Variants in ZBTB7C observed in about 807,000 individuals in gnomAD.
The protein encoded by ZBTB7C is zinc finger and BTB domain-containing protein 7C.
A neutral mutation model predicts 25.7 loss-of-function variants in ZBTB7C; 8 were observed. The observed-to-expected ratio is 0.31, with a 90% CI of 0.18 to 0.56. The LOEUF (loss-of-function observed/expected upper bound fraction) is 0.56, where lower values mean the gene tolerates loss of function less well. Ranked by LOEUF, ZBTB7C falls within the 20% of genes least tolerant of loss-of-function variation. ZBTB7C has a pLI of 0.91. For missense variants in ZBTB7C, 824 were observed against 855.2 expected (o/e 0.96, Z 0.46); for synonymous variants, 394 against 369.0 (o/e 1.07, Z -0.78).
intron 1 of ZBTB7C, among the ~76,000 whole-genome samples, chr18:48,358,795 A>G (rs2047036142): frequency 6.6e-6 from 1 of 152,198 alleles, no homozygotes; most frequent in Non-Finnish European, 1.5e-5. Context: ...GCCTGTGAAT[A>G]TACTAAAAAA....
intron 3 of ZBTB7C, among the ~76,000 whole-genome samples, chr18:48,087,222 G>A (rs2038225109): frequency 6.6e-6 from 1 of 152,202 alleles, no homozygotes; most frequent in South Asian, 2.1e-4. Context: ...AAAGCAAGGA[G>A]GGCATCTGAA....
intron 3 of ZBTB7C, among the ~76,000 whole-genome samples, chr18:48,179,913 C>CCTTCCTTCCTTCCTTCCCTG (rs1210959344): frequency 8.0e-5 from 11 of 138,190 alleles, no homozygotes; most frequent in African/African-American, 3.0e-4. Flanking sequence ...TTCCTTCCTC[C>CCTTCCTTCCTTCCTTCCCTG]CTTCCTTCCT....
At chr18:48,043,156 A>G (rs1436666669) in intron 3 of ZBTB7C, among the ~76,000 whole-genome samples, 1 of 152,262 alleles carries the variant, frequency 6.6e-6, no homozygotes, top group African/African-American at 2.4e-5. Context: ...AGAATGGTAC[A>G]GCTATTCTAG....
At chr18:48,396,906 C>T (rs952349610) in intron 1 of ZBTB7C, among the ~76,000 whole-genome samples, 5 of 152,146 alleles carry the variant, frequency 3.3e-5, no homozygotes, top group South Asian at 2.1e-4. Context: ...CATAGGTGGA[C>T]GCCTACCTCT....
At chr18:48,107,019 G>A (rs901612789) in intron 3 of ZBTB7C, among the ~76,000 whole-genome samples, 2 of 151,964 alleles carry the variant, frequency 1.3e-5, no homozygotes, top group African/African-American at 2.4e-5. Flanking sequence ...ACCAGGAAAC[G>A]AGTGGAGGTT....
intron 3 of ZBTB7C, among the ~76,000 whole-genome samples, chr18:48,136,817 C>T (rs949453378): frequency 3.3e-5 from 5 of 152,156 alleles, no homozygotes; most frequent in Admixed American, 2.0e-4. Context: ...CGCCGCCACC[C>T]GCGCCAGCCA....
At chr18:48,047,684 A>T (rs2036527756) in intron 3 of ZBTB7C, among the ~76,000 whole-genome samples, 1 of 152,136 alleles carries the variant, frequency 6.6e-6, no homozygotes, top group East Asian at 1.9e-4. Context: ...TTCAACTGTA[A>T]AATGAGAGCA....
intron 2 of ZBTB7C, among the ~76,000 whole-genome samples, chr18:48,230,955 C>T (rs1056157019): frequency 1.2e-4 from 18 of 152,190 alleles, no homozygotes; most frequent in African/African-American, 1.2e-4. Flanking sequence ...TGGGTATGTG[C>T]ATGCTCAGGC....
intron 3 of ZBTB7C, among the ~76,000 whole-genome samples, chr18:48,052,629 T>C (rs1202972079): frequency 6.6e-6 from 1 of 151,906 alleles, no homozygotes; most frequent in African/African-American, 2.4e-5. Context: ...GCCGGGAGCA[T>C]GAGGAGCAAA....
At chr18:48,303,904 TAA>T (rs1376419045) in intron 2 of ZBTB7C, among the ~76,000 whole-genome samples, 1 of 152,208 alleles carries the variant, frequency 6.6e-6, no homozygotes, top group African/African-American at 2.4e-5. Flanking sequence ...GGTTCTGTGA[TAA>T]GAGTAGCAAG....
In ZBTB7C at chr18:48,110,350, G is replaced by A. The variant is rs80159031; in HGVS notation, c.-16-69227C>T. ...ACCCCCCCACCTGGTTCAAAGAGCC[G>A]CACTCTAAAAGCCGCTTCTTCCTGG... On this transcript the variant is annotated intron_variant, in intron 3 of 4. Coordinates refer to ENST00000590800, the MANE Select transcript of ZBTB7C (RefSeq NM_001318841.2). Among the ~76,000 whole-genome samples the A allele has an allele frequency of 1.2e-3, 175 of 152,100 alleles. 2 individuals are homozygous for A. The highest frequency in any genetic ancestry group is 4.1e-3 in the African/African-American group (169 of 41,444).
At position 48,209,490 on chromosome 18, in the gene ZBTB7C, T is replaced by C. The variant is rs528049319; in HGVS notation, c.-78-23495A>G. On this transcript the variant is annotated intron_variant, in intron 2 of 4. Coordinates refer to ENST00000590800, the MANE Select transcript of ZBTB7C (RefSeq NM_001318841.2). ...GCGAGTCACTGGCTGAGAATAGTGG[T>C]TTACCCGTAATCCCAGCACTTTGGG... Among the ~76,000 whole-genome samples the C allele has an allele frequency of 7.2e-5, 11 of 152,256 alleles. No individual in the cohort carries two copies. The East Asian group carries it at 2.1e-3, about 29-fold the overall frequency.
At chr18:48,354,328 C>T (rs1016683116) in intron 1 of ZBTB7C, among the ~76,000 whole-genome samples, 1 of 152,110 alleles carries the variant, frequency 6.6e-6, no homozygotes, top group African/African-American at 2.4e-5. Context: ...TCCAGCTTTA[C>T]AAATAGGTTT....
At chr18:48,251,677 T>C (rs1156604986) in intron 2 of ZBTB7C, among the ~76,000 whole-genome samples, 1 of 152,162 alleles carries the variant, frequency 6.6e-6, no homozygotes, top group African/African-American at 2.4e-5. Flanking sequence ...ACTGGCCAGG[T>C]AGAGAACCCA....
intron 3 of ZBTB7C, among the ~76,000 whole-genome samples, chr18:48,053,935 A>G (rs952689536): frequency 2.6e-5 from 4 of 152,210 alleles, no homozygotes; most frequent in Non-Finnish European, 5.9e-5. Context: ...GGGGCAGGGG[A>G]AGGACAACAT....
intron 3 of ZBTB7C, among the ~76,000 whole-genome samples, chr18:48,177,129 C>T (rs978801891): frequency 2.0e-5 from 3 of 152,258 alleles, no homozygotes; most frequent in African/African-American, 4.8e-5. Flanking sequence ...TGAGAGCTGT[C>T]TACATTTCCA....
At chr18:48,355,668 G>GT (rs2046962311) in intron 1 of ZBTB7C, among the ~76,000 whole-genome samples, 1 of 152,224 alleles carries the variant, frequency 6.6e-6, no homozygotes, top group Non-Finnish European at 1.5e-5. Flanking sequence ...CAGGCTGTGT[G>GT]TGTGCAGTGC....
At chr18:48,037,288 A>C (rs2036014209) in intron 4 of ZBTB7C, among the ~76,000 whole-genome samples, 1 of 152,242 alleles carries the variant, frequency 6.6e-6, no homozygotes, top group Non-Finnish European at 1.5e-5. Context: ...GGAGGAACCC[A>C]AGGCCAGATG....
chr18:48,243,719 C>T (rs1234671491), intron 2 of ZBTB7C, among the ~76,000 whole-genome samples: 5 of 152,146 alleles, frequency 3.3e-5, no homozygotes, highest in African/African-American at 1.2e-4. Flanking sequence ...ATAGCCAAAG[C>T]AAGACTAAGC....
Sources: allele counts gnomAD v4.1 joint callset (sites outside exome capture counted in the v4.1 genomes callset), GRCh38; gene constraint gnomAD v4.1.1; transcripts MANE v1.5; gene names NCBI Gene and HGNC (gene_info 2026-07-23, HGNC 2026-07-21).